The following KCNA6 variants were observed in gnomAD, a reference collection of about 807,000 sequenced individuals.
KCNA6 encodes the protein potassium voltage-gated channel subfamily A member 6.
A neutral mutation model predicts 29.5 loss-of-function variants in KCNA6; 17 were observed. The ratio of observed to expected loss-of-function variants is 0.58; its 90% CI spans 0.39 to 0.86. The LOEUF (loss-of-function observed/expected upper bound fraction) is 0.86, where lower values mean the gene tolerates loss of function less well. KCNA6 is among the 40% of genes least tolerant of loss of function. The probability of loss-of-function intolerance (pLI) is 0.00; values close to 1 mark genes in which losing one functional copy is unlikely to be tolerated. For missense variants in KCNA6, 450 were observed against 703.4 expected (o/e 0.64, Z 4.07); for synonymous variants, 296 against 304.7 (o/e 0.97, Z 0.30).
the KCNA6 span, among the ~76,000 whole-genome samples, chr12:4,832,171 G>C: frequency 6.6e-6 from 1 of 152,094 alleles, no homozygotes; most frequent in East Asian, 1.9e-4. Context: ...GAGAGCCTGG[G>C]TGTCATCAGT....
chr12:4,818,114 G>A (rs1018156128), downstream of KCNA6, among the ~76,000 whole-genome samples: 8 of 152,282 alleles, frequency 5.3e-5, no homozygotes, highest in East Asian at 1.9e-4. Context: ...TGGGAGGGGC[G>A]GGGAGGACTT....
At chr12:4,829,398 C>T in the KCNA6 span, among the ~76,000 whole-genome samples, 1 of 152,160 alleles carries the variant, frequency 6.6e-6, no homozygotes, top group Non-Finnish European at 1.5e-5. Flanking sequence ...AATCGACAAA[C>T]TTTTCACTGG....
At chr12:4,836,406 A>AG in the KCNA6 span, among the ~76,000 whole-genome samples, 3 of 152,228 alleles carry the variant, frequency 2.0e-5, no homozygotes, top group Non-Finnish European at 2.9e-5. Flanking sequence ...TTGGCACTGG[A>AG]GGGGGTCAGG....
the KCNA6 span, among the ~76,000 whole-genome samples, chr12:4,823,717 A>C: frequency 6.6e-6 from 1 of 152,214 alleles, no homozygotes; most frequent in Non-Finnish European, 1.5e-5. Context: ...CAGTGAGCTG[A>C]GACTGCGCCA....
the KCNA6 span, among the ~76,000 whole-genome samples, chr12:4,822,355 G>C: frequency 5.9e-5 from 9 of 152,298 alleles, no homozygotes; most frequent in Non-Finnish European, 1.2e-4. Context: ...AAGTGGCTCA[G>C]AATCAACTAT....
At position 4,810,322 on chromosome 12, in the gene KCNA6, A is replaced by T; in HGVS notation, c.281A>T (p.Asp94Val). 1 of 1,613,958 alleles carries T rather than the reference A, an allele frequency of 6.2e-7. No individual in the cohort carries two copies. The highest frequency in any genetic ancestry group is 8.5e-7 in the Non-Finnish European group (1 of 1,179,990). ...TTCGACCGCAACCGGCCCAGCTTCGACGCCATCCTCTACTACTACCAGTCT... is the reference window on the plus strand; with the variant it reads ...TTCGACCGCAACCGGCCCAGCTTCGTCGCCATCCTCTACTACTACCAGTCT... Residue 94 changes from aspartate to valine, a missense_variant, in exon 1 of 1, where the codon GAC becomes GTC. Around this residue, in one of 7 missense-constraint regions of KCNA6, gnomAD observed 133 missense variants for 217.5 expected, o/e 0.61. Coordinates refer to ENST00000280684, the Ensembl canonical transcript of KCNA6. This position sits in a 1 kb window ranked among gnomAD's most constrained non-coding sequence, Gnocchi z 7.5.
Position 4,811,333 on chromosome 12 carries a change from T to C in KCNA6, c.1292T>C (p.Met431Thr), listed in dbSNP as rs1354364763. ...GTAGGTTACGGGGACATGTACCCCA[T>C]GACTGTGGGGGGAAAGATCGTGGGC... The change falls in exon 1 of 1, where the codon ATG becomes ACG. Residue 431 changes from methionine to threonine, a missense_variant. Physicochemically the swap from Met to Thr is moderately conservative, Grantham distance 81 (BLOSUM62 -1). Coordinates refer to ENST00000280684, the Ensembl canonical transcript of KCNA6. This position sits in a 1 kb window ranked among gnomAD's most constrained non-coding sequence, Gnocchi z 7.1. The C allele has an allele frequency of 6.2e-7, 1 of 1,614,000 alleles. No individual in the cohort carries two copies. The highest frequency in any genetic ancestry group is 2.2e-5 in the East Asian group (1 of 44,886).
chr12:4,822,467 G>A, the KCNA6 span, among the ~76,000 whole-genome samples: 1 of 152,130 alleles, frequency 6.6e-6, no homozygotes, highest in African/African-American at 2.4e-5. Flanking sequence ...GGGAGGAGCC[G>A]GTTCCAGCTA....
downstream of KCNA6, among the ~76,000 whole-genome samples, chr12:4,817,954 GCAGC>G (rs1286896315): frequency 6.6e-6 from 1 of 152,248 alleles, no homozygotes; most frequent in African/African-American, 2.4e-5. Context: ...AAAGGAAATT[GCAGC>G]CACGCAGTCT....
rs866112063 is a variant in KCNA6, at chr12:4,811,017, G to A, written c.976G>A (p.Gly326Arg). 6.2e-7 allele frequency: 1 copy of A among 1,614,260 alleles called. No homozygotes were observed. Residue 326 changes from glycine (G) to arginine (R), a missense_variant, in exon 1 of 1, where the codon GGA becomes AGA. This residue lies in a region of KCNA6 where 46 missense variants were observed against 80.2 expected (regional missense o/e 0.57). Coordinates refer to ENST00000280684, the Ensembl canonical transcript of KCNA6. The surrounding 1 kb of genome is among the most constrained non-coding windows in gnomAD (Gnocchi z 7.1). ...GCAGCAGGAGCAGCAACCAGCCAGTGGAGGAGGCGGCCAGAATGGGCAGCA... is the reference window on the plus strand; with the variant it reads ...GCAGCAGGAGCAGCAACCAGCCAGTAGAGGAGGCGGCCAGAATGGGCAGCA...
At chr12:4,847,197 C>G in the KCNA6 span, among the ~76,000 whole-genome samples, 1 of 152,110 alleles carries the variant, frequency 6.6e-6, no homozygotes, top group Non-Finnish European at 1.5e-5. Context: ...CTTCTAGTTT[C>G]TAATGATGCT....
At chr12:4,836,723 T>C in the KCNA6 span, among the ~76,000 whole-genome samples, 1 of 152,138 alleles carries the variant, frequency 6.6e-6, no homozygotes, top group Admixed American at 6.5e-5. Flanking sequence ...CATGCTCAGG[T>C]CACATTTAGG....
At chr12:4,815,695 A>G (rs1296371984), downstream of KCNA6, among the ~76,000 whole-genome samples, 3 of 152,240 alleles carry the variant, frequency 2.0e-5, no homozygotes, top group Non-Finnish European at 2.9e-5. Context: ...TTTTGCTAGT[A>G]TCTGGCTGTC....
At chr12:4,809,870 G>T in exon 1 of KCNA6, 4 of 713,930 alleles carry the variant, frequency 5.6e-6, no homozygotes, top group East Asian at 2.8e-5. Flanking sequence ...GCCTTGCAGG[G>T]ACCAGGGCTT....
At chr12:4,820,581 A>ACACACACG in the KCNA6 span, among the ~76,000 whole-genome samples, 40 of 151,842 alleles carry the variant, frequency 2.6e-4, 1 homozygote, top group African/African-American at 9.7e-4. Flanking sequence ...ACACACACAC[A>ACACACACG]CACACACACA....
At chr12:4,843,249 C>T in the KCNA6 span, among the ~76,000 whole-genome samples, 162 of 150,984 alleles carry the variant, frequency 1.1e-3, no homozygotes, top group South Asian at 1.9e-3. Context: ...GGCGCGATCT[C>T]GGCTCACTGC....
At chr12:4,833,263 T>G in the KCNA6 span, among the ~76,000 whole-genome samples, 1 of 152,296 alleles carries the variant, frequency 6.6e-6, no homozygotes, top group East Asian at 1.9e-4. Context: ...TGGGCAGCTC[T>G]TCTGGTCTCA....
chr12:4,833,442 G>A, the KCNA6 span, among the ~76,000 whole-genome samples: 40 of 152,204 alleles, frequency 2.6e-4, no homozygotes, highest in African/African-American at 9.2e-4. Context: ...CTCTTGAGAC[G>A]AGATTTGGAG....
chr12:4,846,149 G>A, the KCNA6 span, among the ~76,000 whole-genome samples: 3 of 152,080 alleles, frequency 2.0e-5, no homozygotes, highest in East Asian at 3.9e-4. Context: ...TGTGTACATC[G>A]AACCCCCAGA....
Sources: allele counts gnomAD v4.1 joint callset (sites outside exome capture counted in the v4.1 genomes callset), GRCh38; gene constraint gnomAD v4.1.1; regional missense constraint gnomAD v4.1.1; non-coding constraint Gnocchi (gnomAD v3.1); transcripts MANE v1.5; gene names NCBI Gene and HGNC (gene_info 2026-07-23, HGNC 2026-07-21).